Variants in RBMS3 observed in about 807,000 individuals in gnomAD.
RBMS3 encodes RNA-binding motif, single-stranded-interacting protein 3.
RBMS3 carries 27 observed loss-of-function variants against 66.8 expected under a neutral mutation model. The observed-to-expected ratio is 0.40, with a 90% CI of 0.30 to 0.56. RBMS3 has a LOEUF of 0.56. Among genes scored for constraint, RBMS3 ranks in the 20% least tolerant of loss-of-function variants. RBMS3 has a pLI of 0.40. For synonymous variants in RBMS3, 188 were observed against 183.0 expected, an observed-to-expected ratio of 1.03 and a Z score of -0.22; for missense variants, 513 against 549.5, an observed-to-expected ratio of 0.93 and a Z score of 0.66.
At chr3:29,804,227 A>G (rs2057473816) in intron 6 of RBMS3, among the ~76,000 whole-genome samples, 1 of 152,108 alleles carries the variant, frequency 6.6e-6, no homozygotes, top group South Asian at 2.1e-4. Context: ...TATAAAACTA[A>G]AAGAAAAAAA....
intron 7 of RBMS3, among the ~76,000 whole-genome samples, chr3:29,873,185 A>G (rs1261526094): frequency 1.3e-5 from 2 of 152,088 alleles, no homozygotes; most frequent in Admixed American, 6.6e-5. Flanking sequence ...GGGCAGTATG[A>G]CCATTTTAAT....
intron 6 of RBMS3, among the ~76,000 whole-genome samples, chr3:29,855,305 A>G (rs1258008179): frequency 6.6e-6 from 1 of 152,194 alleles, no homozygotes; most frequent in Non-Finnish European, 1.5e-5. Flanking sequence ...CAAATCCTTG[A>G]CTATCCTTAA....
At chr3:29,664,279 A>C (rs1427029779) in intron 4 of RBMS3, among the ~76,000 whole-genome samples, 1 of 152,088 alleles carries the variant, frequency 6.6e-6, no homozygotes, top group Non-Finnish European at 1.5e-5. Context: ...CACAAGGTCA[A>C]GAGATCGAGA....
chr3:29,884,461 T>TCC lies in RBMS3; in HGVS notation c.791+254_791+255insCC, dbSNP rs1363429960. Among the ~76,000 whole-genome samples the TCC allele has an allele frequency of 2.2e-5, 3 of 135,950 alleles. No homozygotes were observed. In the Admixed American group the frequency reaches 2.2e-4, roughly 10 times the overall value. The allele number at this position is 135,950 out of a possible 152,430, so 89.2% of individuals were successfully genotyped here. A position where few individuals can be genotyped will look rare whatever the true frequency, so the allele number is the denominator to read the frequency against. ...CTCTCTCTCTCTCTCTCTCTCTCTC[T>TCC]CTCTCTCTCCCCCCCCGCTCCCTCC... On this transcript the variant is annotated intron_variant, in intron 8 of 14. Transcript: ENST00000383767.
At position 29,890,421 on chromosome 3, in the gene RBMS3, C is replaced by G. The variant is rs372059231; in HGVS notation, c.791+6213C>G. 1.9e-4 allele frequency among the ~76,000 whole-genome samples: 29 copies of G among 151,686 alleles called. No homozygotes were observed. The East Asian group carries it at 5.3e-3, about 28-fold the overall frequency. On this transcript the variant is annotated intron_variant, in intron 8 of 14. Transcript: ENST00000383767. ...CAAATATAACTCAGAGATAAGTAAC[C>G]TAACAGAAAGATAAATATTACTGTA...
intron 1 of RBMS3, among the ~76,000 whole-genome samples, chr3:29,313,025 A>T (rs1193523776): frequency 1.3e-5 from 2 of 151,848 alleles, no homozygotes; most frequent in African/African-American, 2.4e-5. Flanking sequence ...CCCTAAGCAA[A>T]TAATCTTTGC....
intron 1 of RBMS3, among the ~76,000 whole-genome samples, chr3:29,363,415 A>G (rs2125586096): frequency 6.6e-6 from 1 of 152,322 alleles, no homozygotes; most frequent in African/African-American, 2.4e-5. Flanking sequence ...TGAAACATCA[A>G]AATGTGAAAA....
intron 4 of RBMS3, among the ~76,000 whole-genome samples, chr3:29,650,675 C>T (rs144699590): frequency 4.6e-5 from 7 of 152,264 alleles, no homozygotes; most frequent in African/African-American, 1.7e-4. Flanking sequence ...TGACAAGGTA[C>T]TTGCCCGGTT....
chr3:29,353,648 C>T lies in RBMS3; in HGVS notation c.75+71892C>T, dbSNP rs548407808. Among the ~76,000 whole-genome samples the T allele has an allele frequency of 2.0e-5, 3 of 152,064 alleles. No individual in the cohort carries two copies. The East Asian group carries it at 5.8e-4, about 29-fold the overall frequency. ...ATCAAATAGAGTTATGTATTTTTTA[C>T]TTGATGATTTTGCTAATGTGGTTCT... On this transcript the variant is annotated intron_variant, in intron 1 of 14. Coordinates refer to ENST00000383767, the MANE Select transcript of RBMS3 (RefSeq NM_001003793.3).
intron 6 of RBMS3, among the ~76,000 whole-genome samples, chr3:29,768,404 G>T (rs1342497287): frequency 6.6e-6 from 1 of 151,848 alleles, no homozygotes; most frequent in Non-Finnish European, 1.5e-5. Flanking sequence ...GAGAGAAGAG[G>T]TGATTAAATT....
intron 4 of RBMS3, among the ~76,000 whole-genome samples, chr3:29,615,817 G>A (rs1367364254): frequency 2.6e-5 from 4 of 152,070 alleles, no homozygotes; most frequent in African/African-American, 4.8e-5. Flanking sequence ...TTATTTTCTT[G>A]TATCACTCAT....
intron 12 of RBMS3, among the ~76,000 whole-genome samples, chr3:29,983,237 C>T (rs1033770677): frequency 6.8e-6 from 1 of 147,710 alleles, no homozygotes. Flanking sequence ...AACCCCCGCC[C>T]CCTTTTTTTT....
intron 6 of RBMS3, among the ~76,000 whole-genome samples, chr3:29,842,504 G>A (rs2058685600): frequency 6.6e-6 from 1 of 152,060 alleles, no homozygotes; most frequent in African/African-American, 2.4e-5. Context: ...ATGAATAACA[G>A]TAATTACTAT....
At chr3:29,895,407 T>A (rs1353464715) in intron 8 of RBMS3, among the ~76,000 whole-genome samples, 1 of 151,374 alleles carries the variant, frequency 6.6e-6, no homozygotes, top group East Asian at 1.9e-4. Context: ...CCTCCTCAAA[T>A]TCCCTCGTGC....
intron 6 of RBMS3, among the ~76,000 whole-genome samples, chr3:29,865,124 G>A (rs142484297): frequency 6.6e-5 from 10 of 151,146 alleles, no homozygotes; most frequent in African/African-American, 2.5e-4. Flanking sequence ...AAGGAAGGAA[G>A]GAAGGAAGGA....
intron 1 of RBMS3, among the ~76,000 whole-genome samples, chr3:29,297,747 T>C (rs532627553): frequency 3.3e-5 from 5 of 151,840 alleles, no homozygotes; most frequent in Non-Finnish European, 2.9e-5. Flanking sequence ...AGGATACCTT[T>C]TGTCCCCTAG....
chr3:29,315,767 C>T (rs183983545), intron 1 of RBMS3, among the ~76,000 whole-genome samples: 2 of 151,744 alleles, frequency 1.3e-5, no homozygotes, highest in Non-Finnish European at 3.0e-5. Context: ...AGGGGCATGT[C>T]CATGAATCAA....
chr3:29,816,311 GACACACACACACACAC>G (rs66518208), intron 6 of RBMS3, among the ~76,000 whole-genome samples: 5 of 69,058 alleles, frequency 7.2e-5, no homozygotes, highest in Non-Finnish European at 1.7e-4. Context: ...GACACACACA[GACACACACACACACAC>G]ACACACACAC....
chr3:29,512,842 C>G (rs1576070095), intron 3 of RBMS3, among the ~76,000 whole-genome samples: 1 of 152,278 alleles, frequency 6.6e-6, no homozygotes, highest in African/African-American at 2.4e-5. Context: ...GAGGAAAATT[C>G]CAACAATCTA....
Sources: gnomAD v4.1 joint callset for allele counts (sites outside exome capture counted in the v4.1 genomes callset) on GRCh38, gnomAD v4.1.1 for gene constraint, MANE v1.5 for transcripts, NCBI Gene and HGNC (gene_info 2026-07-23, HGNC 2026-07-21) for gene names.